The following RPTOR variants were observed in gnomAD, a reference collection of about 807,000 sequenced individuals.
RPTOR encodes the protein regulatory associated protein of MTOR complex 1.
Under a neutral mutation model 169.9 loss-of-function variants are expected in RPTOR, and 21 were observed. The observed-to-expected ratio is 0.12, with a 90% CI of 0.09 to 0.18. RPTOR has a LOEUF of 0.18. Among genes scored for constraint, RPTOR ranks in the 10% least tolerant of loss-of-function variants. The pLI is 1.00. For missense variants in RPTOR, 1,133 were observed against 1,855.9 expected, an observed-to-expected ratio of 0.61 and a Z score of 7.16; for synonymous variants, 732 against 753.2, an observed-to-expected ratio of 0.97 and a Z score of 0.46.
At chr17:80,884,080 C>A in intron 16 of RPTOR, 108 bp downstream of exon 16, 1 of 1,084,856 alleles carries the variant, frequency 9.2e-7, no homozygotes, top group South Asian at 1.5e-5. Flanking sequence ...CCAGGAACTT[C>A]AGGGGCTGCA....
chr17:80,748,497 T>TTGGG (rs1167701105), intron 5 of RPTOR, among the ~76,000 whole-genome samples: 7 of 87,554 alleles, frequency 8.0e-5, no homozygotes, highest in African/African-American at 3.7e-4. Flanking sequence ...GGAGGGCCTG[T>TTGGG]TGGATGGAGG....
chr17:80,825,580 C>T (rs1240138845), intron 9 of RPTOR, among the ~76,000 whole-genome samples: 2 of 152,224 alleles, frequency 1.3e-5, no homozygotes, highest in Admixed American at 6.5e-5. Flanking sequence ...CCTGGAGCCT[C>T]ACAGAGCCAG....
chr17:80,876,299 CA>C lies in RPTOR; in HGVS notation c.1510-4115del, dbSNP rs1184522585. Among the ~76,000 whole-genome samples, 272 of 55,316 alleles carry C rather than the reference CA, an allele frequency of 4.9e-3. 24 individuals carry two copies. The highest frequency in any genetic ancestry group is 9.4e-3 in the African/African-American group (66 of 7,012). 36.3% of individuals were successfully genotyped at this position (55,316 alleles called of 152,430 possible). A position where few individuals can be genotyped will look rare whatever the true frequency, so the allele number is the denominator to read the frequency against. ...GTGTGTGTGTCGCCTGCCGGGTCTTCACACCGAGCCCGTGCCACGCAGGGTG... is the reference window on the plus strand; with the variant it reads ...GTGTGTGTGTCGCCTGCCGGGTCTTCCACCGAGCCCGTGCCACGCAGGGTG... On this transcript the variant is annotated intron_variant, in intron 13 of 33. Transcript: ENST00000306801.
chr17:80,796,803 G>A (rs931430057), intron 7 of RPTOR, among the ~76,000 whole-genome samples: 1 of 152,242 alleles, frequency 6.6e-6, no homozygotes, highest in Non-Finnish European at 1.5e-5. Context: ...CACTCACAGG[G>A]TGAACTCCCG....
intron 1 of RPTOR, among the ~76,000 whole-genome samples, chr17:80,584,100 G>A (rs2065039647): frequency 6.6e-6 from 1 of 152,246 alleles, no homozygotes; most frequent in South Asian, 2.1e-4. Flanking sequence ...GAGCCAGGCA[G>A]TGCGGGCTGA....
chr17:80,867,254 G>C (rs1222473290), intron 13 of RPTOR, among the ~76,000 whole-genome samples: 1 of 151,678 alleles, frequency 6.6e-6, no homozygotes, highest in East Asian at 1.9e-4. Context: ...TTTTTAAAGA[G>C]AGAAAAGTCC....
intron 1 of RPTOR, among the ~76,000 whole-genome samples, chr17:80,571,537 T>C (rs534295976): frequency 6.6e-6 from 1 of 152,316 alleles, no homozygotes; most frequent in African/African-American, 2.4e-5. Flanking sequence ...CACTTTTCTT[T>C]TGAGATCGGG....
intron 2 of RPTOR, among the ~76,000 whole-genome samples, chr17:80,630,095 C>A (rs2065430851): frequency 6.8e-6 from 1 of 147,808 alleles, no homozygotes; most frequent in South Asian, 2.1e-4. Context: ...CCTTCTAGAG[C>A]CTCTGCTGTG....
At chr17:80,755,793 G>A (rs1486685108) in intron 6 of RPTOR, among the ~76,000 whole-genome samples, 3 of 151,632 alleles carry the variant, frequency 2.0e-5, no homozygotes, top group Non-Finnish European at 4.4e-5. Flanking sequence ...GCTGTCTGGA[G>A]GGGGCAGCAG....
intron 6 of RPTOR, among the ~76,000 whole-genome samples, chr17:80,780,453 C>G (rs1171613932): frequency 6.6e-6 from 1 of 152,110 alleles, no homozygotes; most frequent in Non-Finnish European, 1.5e-5. Context: ...TGGTTTGTTT[C>G]TAGCCCTGAT....
Position 80,893,322 on chromosome 17 carries a change from GCGCGCGC to G in RPTOR, c.2243-383_2243-377del, listed in dbSNP as rs1329411149. ...GGGTGTGTGTGTGCGCCAGGTGTGT[GCGCGCGC>G]CAGGTGTGTGTGCGCCAGGGTGTGT... On this transcript the variant is annotated intron_variant, in intron 19 of 33. Transcript: ENST00000306801. 5.8e-3 allele frequency among the ~76,000 whole-genome samples: 778 copies of G among 133,698 alleles called. 13 individuals carry two copies. Among genetic ancestry groups the G allele is most frequent in the African/African-American group, 0.023 (739 of 31,850 alleles). 87.7% of individuals were successfully genotyped at this position (133,698 alleles called of 152,430 possible).
At chr17:80,865,892 A>C (rs1355241565) in intron 13 of RPTOR, among the ~76,000 whole-genome samples, 2 of 152,052 alleles carry the variant, frequency 1.3e-5, no homozygotes, top group Non-Finnish European at 2.9e-5. Context: ...GGCCAAATAA[A>C]CCTCAACAAA....
chr17:80,688,679 G>T (rs4889878), intron 3 of RPTOR, among the ~76,000 whole-genome samples: 26,762 of 152,224 alleles, frequency 0.18, 3,757 homozygotes, highest in African/African-American at 0.39. Context: ...GGTGCTATGC[G>T]GGCTGGGAAG....
At chr17:80,660,261 AC>A (rs1379196189) in intron 3 of RPTOR, among the ~76,000 whole-genome samples, 1 of 137,890 alleles carries the variant, frequency 7.3e-6, no homozygotes, top group Non-Finnish European at 1.5e-5. Context: ...GCAGAGCGAG[AC>A]TGTGTCTCAA....
At chr17:80,821,754 C>T (rs571524474) in intron 7 of RPTOR, among the ~76,000 whole-genome samples, 3 of 152,328 alleles carry the variant, frequency 2.0e-5, no homozygotes, top group South Asian at 2.1e-4. Context: ...GTTGAATACA[C>T]GGGAGCAAAG....
chr17:80,795,570 T>C (rs973962562), intron 7 of RPTOR, among the ~76,000 whole-genome samples: 1 of 152,192 alleles, frequency 6.6e-6, no homozygotes, highest in Non-Finnish European at 1.5e-5. Flanking sequence ...TTTATTTTTT[T>C]TTTTTAATTT....
chr17:80,838,027 C>A (rs2143674307), intron 10 of RPTOR, 30 bp downstream of exon 10: 1 of 1,578,728 alleles, frequency 6.3e-7, no homozygotes, highest in Non-Finnish European at 8.6e-7. Context: ...CCCTGTGCAT[C>A]CGCGGCGGCA....
At chr17:80,896,546 CGCGCCG>C (rs2068407237) in intron 20 of RPTOR, among the ~76,000 whole-genome samples, 1 of 13,660 alleles carries the variant, frequency 7.3e-5, no homozygotes. Flanking sequence ...ACCCCACGGC[CGCGCCG>C]ACACCCCACA....
chr17:80,745,744 T>C (rs1448137800), intron 5 of RPTOR, among the ~76,000 whole-genome samples: 1 of 152,246 alleles, frequency 6.6e-6, no homozygotes, highest in Non-Finnish European at 1.5e-5. Context: ...ACCGAGGAGA[T>C]GCTATTTTCA....
Sources: allele counts gnomAD v4.1 joint callset (sites outside exome capture counted in the v4.1 genomes callset), GRCh38; gene constraint gnomAD v4.1.1; transcripts MANE v1.5; gene names NCBI Gene and HGNC (gene_info 2026-07-23, HGNC 2026-07-21).